Variants in BCL3 observed in about 807,000 individuals in gnomAD.
BCL3 encodes the protein BCL3 transcription coactivator, also known as B-cell lymphoma 3 protein.
BCL3 carries 15 observed loss-of-function variants against 35.7 expected under a neutral mutation model. The observed-to-expected ratio is 0.42, with a 90% confidence interval of 0.28 to 0.65. BCL3 has a LOEUF of 0.65. BCL3 is among the 30% of genes least tolerant of loss of function. The pLI, the probability that BCL3 is intolerant of heterozygous loss-of-function variation, is 0.22. For synonymous variants in BCL3, 311 were observed against 284.3 expected, an observed-to-expected ratio of 1.09 and a Z score of -0.95; for missense variants, 565 against 641.7, an observed-to-expected ratio of 0.88 and a Z score of 1.29.
At chr19:44,750,755 T>TCTGG (rs771828726) in intron 1 of BCL3, among the ~76,000 whole-genome samples, 3 of 151,986 alleles carry the variant, frequency 2.0e-5, no homozygotes, top group Non-Finnish European at 4.4e-5. Flanking sequence ...TGCACTCCAG[T>TCTGG]CTGGGCAACA....
In BCL3 at chr19:44,757,694, A is replaced by T; in HGVS notation, c.862A>T (p.Ser288Cys). 13 of 1,613,852 alleles carry T rather than the reference A, an allele frequency of 8.1e-6. No individual in the cohort carries two copies. The highest frequency in any genetic ancestry group is 1.1e-5 in the Non-Finnish European group (13 of 1,179,892). The change falls in exon 6 of 9, where the codon AGC becomes TGC. Residue 288 changes from serine to cysteine, a missense_variant. Coordinates refer to ENST00000164227, the MANE Select transcript of BCL3 (RefSeq NM_005178.5). The surrounding 1 kb of genome is among the most constrained non-coding windows in gnomAD (Gnocchi z 8.4). ...SPLIHAVENNSLSMVQLLLQH... is the reference protein window; with the variant it reads ...SPLIHAVENNCLSMVQLLLQH... ...GCTCATCCACGCCGTGGAAAACAAC[A>T]GCCTTAGCATGGTGCAGCTGCTGCT...
At chr19:44,750,122 C>G (rs1462212478) in intron 1 of BCL3, among the ~76,000 whole-genome samples, 2 of 152,200 alleles carry the variant, frequency 1.3e-5, no homozygotes, top group East Asian at 3.9e-4. Flanking sequence ...TCTGCACCCT[C>G]CACCCCATCA....
chr19:44,756,866 G>T, intron 3 of BCL3, 151 bp from the exon 4 acceptor site: 1 of 726,278 alleles, frequency 1.4e-6, no homozygotes. Flanking sequence ...GGAGCATGGG[G>T]CCCGGACTCT....
Position 44,759,667 on chromosome 19 carries a change from G to C in BCL3, c.*52G>C. The C allele has an allele frequency of 7.2e-7, 1 of 1,392,132 alleles. No homozygotes were observed. The allele number at this position is 1,392,132 out of a possible 1,614,324, so 86.2% of individuals were successfully genotyped here. A position where few individuals can be genotyped will look rare whatever the true frequency, so the allele number is the denominator to read the frequency against. ...TCATGAGGAGGGGCCCCCCTGCCCT[G>C]TGGGGTCAACCCTTCTGGAAACTGT... On this transcript the variant is annotated 3_prime_UTR_variant, in exon 9 of 9. Transcript: ENST00000164227.
intron 8 of BCL3, 102 bp from the exon 9 acceptor site, chr19:44,759,326 C>A (rs894260455): frequency 1.5e-5 from 12 of 817,166 alleles, no homozygotes; most frequent in Non-Finnish European, 2.1e-5. Flanking sequence ...CGAGTCCAGA[C>A]CCCCAGCCCC....
intron 2 of BCL3, among the ~76,000 whole-genome samples, chr19:44,753,835 G>A (rs1235965684): frequency 7.3e-6 from 1 of 137,890 alleles, no homozygotes; most frequent in South Asian, 2.8e-4. Flanking sequence ...GGGCGGGGGG[G>A]GGGGGTGATG....
chr19:44,749,431 G>A (rs557835449), intron 1 of BCL3, among the ~76,000 whole-genome samples: 1 of 150,424 alleles, frequency 6.6e-6, no homozygotes, highest in South Asian at 2.1e-4. Flanking sequence ...AGCTGGGCTG[G>A]AGAAACTGGG....
chr19:44,753,808 A>G (rs1374201495), intron 2 of BCL3, among the ~76,000 whole-genome samples: 2 of 2,652 alleles, frequency 7.5e-4, no homozygotes, highest in Non-Finnish European at 1.3e-3. Context: ...AAACCTGGGG[A>G]GGGGGCAGGA....
upstream of BCL3, chr19:44,748,620 A>C (rs1967112434): frequency 1.3e-6 from 1 of 782,228 alleles, no homozygotes; most frequent in Non-Finnish European, 1.6e-6. Context: ...CCTGGGGCGT[A>C]CGGGTGGCCC....
chr19:44,758,604 T>G (rs1967346493), intron 7 of BCL3, 120 bp from the exon 8 acceptor site: 2 of 1,258,994 alleles, frequency 1.6e-6, no homozygotes, highest in Non-Finnish European at 2.2e-6. Flanking sequence ...AAAAGTGCCT[T>G]GCCCATCTTT....
Position 44,759,792 on chromosome 19 carries a change from C to A in BCL3, c.*177C>A, listed in dbSNP as rs1222785990. The A allele has an allele frequency of 1.9e-6, 1 of 521,240 alleles. No homozygotes were observed. Among genetic ancestry groups the A allele is most frequent in the Non-Finnish European group, 3.3e-6 (1 of 299,586 alleles). 32.3% of individuals were successfully genotyped at this position (521,240 alleles called of 1,614,324 possible). A position where few individuals can be genotyped will look rare whatever the true frequency, so the allele number is the denominator to read the frequency against. The stretch of plus-strand genomic sequence containing the variant: ...ACCCCCTCTTCTGAGCACAGATGTT[C>A]CCCCATCTCGCTCCCTCCCAGGACT... On this transcript the variant is annotated 3_prime_UTR_variant, in exon 9 of 9. Transcript: ENST00000164227.
chr19:44,757,527 C>T lies in BCL3; in HGVS notation c.813+112C>T. On this transcript the variant is annotated intron_variant, in intron 5 of 8. Coordinates refer to ENST00000164227, the MANE Select transcript of BCL3 (RefSeq NM_005178.5). The surrounding 1 kb of genome is among the most constrained non-coding windows in gnomAD (Gnocchi z 8.4). Reference sequence around the variant, plus strand: ...GGGAGAGCACCCGGGTGGGGTGGGGCTTGGAGTATCAGACCCAAGAGAGAG... The same window carrying T: ...GGGAGAGCACCCGGGTGGGGTGGGGTTTGGAGTATCAGACCCAAGAGAGAG... 4 of 1,506,448 alleles carry T rather than the reference C, an allele frequency of 2.7e-6. No homozygotes were observed. Among genetic ancestry groups the T allele is most frequent in the Non-Finnish European group, 3.6e-6 (4 of 1,097,466 alleles). 93.3% of individuals were successfully genotyped at this position (1,506,448 alleles called of 1,614,324 possible).
Position 44,759,629 on chromosome 19 carries a change from G to T in BCL3, c.*14G>T. 1 of 1,594,846 alleles carries T rather than the reference G, an allele frequency of 6.3e-7. No homozygotes were observed. The highest frequency in any genetic ancestry group is 8.5e-7 in the Non-Finnish European group (1 of 1,175,062). On this transcript the variant is annotated 3_prime_UTR_variant, in exon 9 of 9. Transcript: ENST00000164227. ...GGAGGCAGCTGAGGGGGATGGGGGG[G>T]CAGATCTTGGACTCATGAGGAGGGG...
Position 44,757,833 on chromosome 19 carries a change from T to G in BCL3, c.891+110T>G. 1 of 1,062,080 alleles carries G rather than the reference T, an allele frequency of 9.4e-7. No individual in the cohort carries two copies. The highest frequency in any genetic ancestry group is 1.4e-6 in the Non-Finnish European group (1 of 712,082). 65.8% of individuals were successfully genotyped at this position (1,062,080 alleles called of 1,614,324 possible). On this transcript the variant is annotated intron_variant, in intron 6 of 8. Transcript: ENST00000164227. This position sits in a 1 kb window ranked among gnomAD's most constrained non-coding sequence, Gnocchi z 8.4. Reference sequence around the variant, plus strand: ...GCCTTCCACTTCTGGCTCCGGCTCCTGCTCCGCGTCCAGCTCTGATCCTTT... The same window carrying G: ...GCCTTCCACTTCTGGCTCCGGCTCCGGCTCCGCGTCCAGCTCTGATCCTTT...
intron 3 of BCL3, among the ~76,000 whole-genome samples, 183 bp from the exon 4 acceptor site, chr19:44,756,834 T>A (rs528515769): frequency 2.2e-4 from 33 of 151,492 alleles, no homozygotes; most frequent in Non-Finnish European, 4.0e-4. Flanking sequence ...GGAGGCCCAG[T>A]CTTCTGGGTC....
Position 44,757,127 on chromosome 19 carries a change from C to T in BCL3, c.630C>T (p.His210=), listed in dbSNP as rs1436066330. 1 of 1,600,884 alleles carries T rather than the reference C, an allele frequency of 6.2e-7. No individual in the cohort carries two copies. The highest frequency in any genetic ancestry group is 1.3e-5 in the African/African-American group (1 of 74,486). Residue 210 remains histidine, a synonymous_variant, in exon 4 of 9, where the codon CAC becomes CAT. Transcript: ENST00000164227. This position sits in a 1 kb window ranked among gnomAD's most constrained non-coding sequence, Gnocchi z 8.4. ...ALDRHGQTAA[H]LACEHRSPTC... is the part of the protein sequence containing the mutation. Reference sequence around the variant, plus strand: ...ACCGCCATGGCCAGACGGCCGCTCACCTGGCGTGCGAGCACCGCAGCCCGA... The same window carrying T: ...ACCGCCATGGCCAGACGGCCGCTCATCTGGCGTGCGAGCACCGCAGCCCGA...
intron 2 of BCL3, 80 bp downstream of exon 2, chr19:44,751,460 T>G: frequency 7.2e-7 from 1 of 1,398,166 alleles, no homozygotes; most frequent in Non-Finnish European, 9.5e-7. Flanking sequence ...CAGCTCCCAG[T>G]GGACCTGAGT....
At position 44,757,638 on chromosome 19, in the gene BCL3, C is replaced by G. The variant is rs773080759; in HGVS notation, c.814-8C>G. 1.9e-6 allele frequency: 3 copies of G among 1,613,468 alleles called. No homozygotes were observed. The highest frequency in any genetic ancestry group is 2.5e-6 in the Non-Finnish European group (3 of 1,179,744). Reference sequence around the variant, plus strand: ...TGGAGAAACTAAGACCTTCCCTCCCCGCCGCAGGACATTAAGAGCGGCCGC... The same window carrying G: ...TGGAGAAACTAAGACCTTCCCTCCCGGCCGCAGGACATTAAGAGCGGCCGC... On this transcript the variant is annotated splice_polypyrimidine_tract_variant and splice_region_variant and intron_variant, in intron 5 of 8. Coordinates refer to ENST00000164227, the MANE Select transcript of BCL3 (RefSeq NM_005178.5). This position sits in a 1 kb window ranked among gnomAD's most constrained non-coding sequence, Gnocchi z 8.4.
intron 2 of BCL3, among the ~76,000 whole-genome samples, chr19:44,752,694 A>G (rs1176605816): frequency 6.6e-6 from 1 of 152,174 alleles, no homozygotes. Context: ...TGTGCCTAGC[A>G]CATAGTAAGC....
Sources: gnomAD v4.1 joint callset for allele counts (sites outside exome capture counted in the v4.1 genomes callset) on GRCh38, gnomAD v4.1.1 for gene constraint, Gnocchi (gnomAD v3.1) non-coding constraint, MANE v1.5 for transcripts, NCBI Gene and HGNC (gene_info 2026-07-23, HGNC 2026-07-21) for gene names.